Variants in SV2B observed in about 807,000 individuals in gnomAD.
The protein encoded by SV2B is synaptic vesicle glycoprotein 2B.
In SV2B, 41 loss-of-function variants were observed where a neutral mutation model predicts 73.9. The observed-to-expected ratio is 0.56, with a 90% CI of 0.43 to 0.72. The LOEUF (loss-of-function observed/expected upper bound fraction) is 0.72. Ranked by LOEUF, SV2B falls within the 30% of genes least tolerant of loss-of-function variation. The pLI, the probability that SV2B is intolerant of heterozygous loss-of-function variation, is 0.00. For synonymous variants in SV2B, 314 were observed against 314.2 expected (o/e 1.00, Z 0.01); for missense variants, 764 against 857.8 (o/e 0.89, Z 1.37).
chr15:91,243,318 T>G (rs1376385349), intron 2 of SV2B, among the ~76,000 whole-genome samples: 1 of 152,190 alleles, frequency 6.6e-6, no homozygotes, highest in Non-Finnish European at 1.5e-5. Context: ...CATTCTGGAT[T>G]GGAGGCACCA....
rs1398717749 is a variant in SV2B, at chr15:91,267,301, A to G, written c.1120-254A>G. Among the ~76,000 whole-genome samples, 1 of 152,216 alleles carries G rather than the reference A, an allele frequency of 6.6e-6. No individual in the cohort carries two copies. Among genetic ancestry groups the G allele is most frequent in the Non-Finnish European group, 1.5e-5 (1 of 68,032 alleles). On this transcript the variant is annotated intron_variant, in intron 7 of 12. Transcript: ENST00000394232. This position sits in a 1 kb window ranked among gnomAD's most constrained non-coding sequence, Gnocchi z 4.3. The stretch of plus-strand genomic sequence containing the variant: ...GAAGTCCTAACTCAGTGTGCTTTCA[A>G]TCACATTCATGGAATGCTGTGCTCC...
chr15:91,112,641 A>C (rs183892004), intron 1 of SV2B, among the ~76,000 whole-genome samples: 38 of 152,334 alleles, frequency 2.5e-4, no homozygotes, highest in African/African-American at 7.9e-4. Context: ...AGTTACCTGG[A>C]TTATATAGTT....
In SV2B at chr15:91,136,983, A is replaced by T. The variant is rs2042849005; in HGVS notation, c.-392+36620A>T. ...CTGCTCCTGAATGAAAATTTGATCCACGCAGAAGACAACCTGCAGGCAAAG... is the reference window on the plus strand; with the variant it reads ...CTGCTCCTGAATGAAAATTTGATCCTCGCAGAAGACAACCTGCAGGCAAAG... On this transcript the variant is annotated intron_variant, in intron 1 of 12. Coordinates refer to ENST00000394232, the MANE Select transcript of SV2B (RefSeq NM_001323032.3). The surrounding 1 kb of genome is among the most constrained non-coding windows in gnomAD (Gnocchi z 5.6). Among the ~76,000 whole-genome samples the T allele has an allele frequency of 6.6e-6, 1 of 152,158 alleles. No individual in the cohort carries two copies. The highest frequency in any genetic ancestry group is 2.1e-4 in the South Asian group (1 of 4,828).
At chr15:91,134,004 C>CTTTTTTTTTCTTTTTTTTTTT (rs1555470018) in intron 1 of SV2B, among the ~76,000 whole-genome samples, 1 of 106,242 alleles carries the variant, frequency 9.4e-6, no homozygotes, top group Admixed American at 1.0e-4. Flanking sequence ...TTCTTTCTTC[C>CTTTTTTTTTCTTTTTTTTTTT]TTTTTTTTTT....
In SV2B at chr15:91,197,256, T is replaced by C. The variant is rs2045282684; in HGVS notation, c.-391-28617T>C. On this transcript the variant is annotated intron_variant, in intron 1 of 12. Coordinates refer to ENST00000394232, the MANE Select transcript of SV2B (RefSeq NM_001323032.3). This position sits in a 1 kb window ranked among gnomAD's most constrained non-coding sequence, Gnocchi z 4.9. ...GTTTTGTTTTGTTTTGAGACAGAGT[T>C]TCATTCTCGTTGCCCAGGCTGGAGT... Among the ~76,000 whole-genome samples, 1 of 151,762 alleles carries C rather than the reference T, an allele frequency of 6.6e-6. No individual in the cohort carries two copies. The highest frequency in any genetic ancestry group is 1.5e-5 in the Non-Finnish European group (1 of 68,016).
chr15:91,204,556 C>CTTTTTTTTT (rs568973449), intron 1 of SV2B, among the ~76,000 whole-genome samples: 4 of 127,820 alleles, frequency 3.1e-5, no homozygotes, highest in Non-Finnish European at 3.4e-5. Context: ...TCTTCTTCTT[C>CTTTTTTTTT]TTTTTTTTTT....
intron 1 of SV2B, among the ~76,000 whole-genome samples, chr15:91,172,505 G>C (rs1431197838): frequency 6.6e-6 from 1 of 152,216 alleles, no homozygotes; most frequent in Non-Finnish European, 1.5e-5. Flanking sequence ...TCTGGCATAT[G>C]GGATCCTCAG....
intron 1 of SV2B, among the ~76,000 whole-genome samples, chr15:91,194,698 G>C (rs918556947): frequency 2.0e-5 from 3 of 152,198 alleles, no homozygotes; most frequent in African/African-American, 7.2e-5. Flanking sequence ...GTTACTCTGG[G>C]ACAACTCACT....
chr15:91,301,581 C>T lies in SV2B; in HGVS notation c.*9029C>T, dbSNP rs75699587. On this transcript the variant is annotated 3_prime_UTR_variant, in exon 13 of 13. Transcript: ENST00000394232. The surrounding 1 kb of genome is among the most constrained non-coding windows in gnomAD (Gnocchi z 4.3). ...GACTTTTAAAGCCTATCCCCTTTAA[C>T]CTTCATAATAACCTAATGAGTAAGT... Among the ~76,000 whole-genome samples the T allele has an allele frequency of 0.013, 2,012 of 152,302 alleles. 29 individuals carry two copies. The highest frequency in any genetic ancestry group is 0.041 in the African/African-American group (1,696 of 41,562).
chr15:91,255,147 A>AAC (rs754321096), intron 4 of SV2B, among the ~76,000 whole-genome samples: 1 of 152,166 alleles, frequency 6.6e-6, no homozygotes, highest in East Asian at 1.9e-4. Flanking sequence ...TCACTTCACA[A>AAC]ACACACACAC....
intron 1 of SV2B, among the ~76,000 whole-genome samples, chr15:91,107,606 C>T (rs777045369): frequency 4.6e-5 from 7 of 151,430 alleles, no homozygotes; most frequent in Non-Finnish European, 8.8e-5. Context: ...CCACCGTGCC[C>T]GCTAACTTTC....
chr15:91,116,464 A>G (rs2042180972), intron 1 of SV2B, among the ~76,000 whole-genome samples: 1 of 152,234 alleles, frequency 6.6e-6, no homozygotes, highest in South Asian at 2.1e-4. Context: ...GAGAATAAAA[A>G]TAGGCAGAGA....
At chr15:91,277,544 A>G (rs1234922337) in intron 9 of SV2B, among the ~76,000 whole-genome samples, 1 of 152,216 alleles carries the variant, frequency 6.6e-6, no homozygotes, top group Non-Finnish European at 1.5e-5. Context: ...TGTTACTTAC[A>G]TGGAATTATA....
At chr15:91,271,240 G>A (rs771563090) in intron 9 of SV2B, among the ~76,000 whole-genome samples, 13 of 151,536 alleles carry the variant, frequency 8.6e-5, no homozygotes, top group Non-Finnish European at 1.5e-5. Flanking sequence ...CGCCCCACGG[G>A]GTGACACCAT....
chr15:91,195,517 A>G (rs2045213992), intron 1 of SV2B, among the ~76,000 whole-genome samples: 1 of 152,174 alleles, frequency 6.6e-6, no homozygotes, highest in East Asian at 1.9e-4. Context: ...TGAGCATTTT[A>G]CCTGGGTTGA....
chr15:91,194,625 T>C (rs1000683045), intron 1 of SV2B, among the ~76,000 whole-genome samples: 6 of 152,204 alleles, frequency 3.9e-5, no homozygotes, highest in African/African-American at 1.4e-4. Flanking sequence ...GGAGAATGCG[T>C]TAGACAAGGA....
intron 1 of SV2B, among the ~76,000 whole-genome samples, chr15:91,146,451 A>C (rs2043149369): frequency 6.6e-6 from 1 of 152,166 alleles, no homozygotes; most frequent in Non-Finnish European, 1.5e-5. Flanking sequence ...ATTCTATATA[A>C]ATTTAAAAAA....
rs2042327392 is a variant in SV2B, at chr15:91,121,271, C to T, written c.-392+20908C>T. Among the ~76,000 whole-genome samples, 1 of 152,102 alleles carries T rather than the reference C, an allele frequency of 6.6e-6. No homozygotes were observed. The highest frequency in any genetic ancestry group is 1.5e-5 in the Non-Finnish European group (1 of 68,032). On this transcript the variant is annotated intron_variant, in intron 1 of 12. Transcript: ENST00000394232. The surrounding 1 kb of genome is among the most constrained non-coding windows in gnomAD (Gnocchi z 4.4). ...CTAGTGCTGTGGTTCTCAATCCTGG[C>T]TGTACTTTAGAATCAAGTGAGAAAT...
chr15:91,133,000 GTATGTTACCTCT>G lies in SV2B; in HGVS notation c.-392+32638_-392+32649del, dbSNP rs1232368348. 2.0e-5 allele frequency among the ~76,000 whole-genome samples: 3 copies of G among 152,224 alleles called. No homozygotes were observed. Among genetic ancestry groups the G allele is most frequent in the Admixed American group, 6.5e-5 (1 of 15,284 alleles). ...TGTTGCGTGCCAGGCCTTGAGAGAA[GTATGTTACCTCT>G]GTTAGTTTATTTAATTCTGTAACAC... On this transcript the variant is annotated intron_variant, in intron 1 of 12. Coordinates refer to ENST00000394232, the MANE Select transcript of SV2B (RefSeq NM_001323032.3). This position sits in a 1 kb window ranked among gnomAD's most constrained non-coding sequence, Gnocchi z 4.6.
Sources: gnomAD v4.1 joint callset for allele counts (sites outside exome capture counted in the v4.1 genomes callset) on GRCh38, gnomAD v4.1.1 for gene constraint, Gnocchi (gnomAD v3.1) non-coding constraint, MANE v1.5 for transcripts, NCBI Gene and HGNC (gene_info 2026-07-23, HGNC 2026-07-21) for gene names.